Variants in CACNA2D2 observed in about 807,000 individuals in gnomAD.
CACNA2D2 encodes calcium voltage-gated channel auxiliary subunit alpha2delta 2, also known as voltage-dependent calcium channel subunit alpha-2/delta-2.
In CACNA2D2, 48 loss-of-function variants were observed where a neutral mutation model predicts 166.4. The ratio of observed to expected loss-of-function variants is 0.29; its 90% confidence interval spans 0.23 to 0.37. The LOEUF is 0.37. CACNA2D2 is among the 10% of genes least tolerant of loss of function. CACNA2D2 has a pLI of 1.00. For missense variants in CACNA2D2, 1,122 were observed against 1,433.0 expected, an observed-to-expected ratio of 0.78 and a Z score of 3.50; for synonymous variants, 561 against 573.7, an observed-to-expected ratio of 0.98 and a Z score of 0.32.
chr3:50,499,912 G>A (rs1698887147), intron 1 of CACNA2D2, among the ~76,000 whole-genome samples: 2 of 152,094 alleles, frequency 1.3e-5, no homozygotes, highest in Non-Finnish European at 2.9e-5. Context: ...TCCACACCAG[G>A]AGGGCTGTGA....
At chr3:50,493,706 G>A (rs1698608484) in intron 1 of CACNA2D2, among the ~76,000 whole-genome samples, 1 of 152,236 alleles carries the variant, frequency 6.6e-6, no homozygotes, top group Non-Finnish European at 1.5e-5. Context: ...CAGATCTTGA[G>A]GGGGTCGCAG....
intron 1 of CACNA2D2, among the ~76,000 whole-genome samples, chr3:50,482,611 T>A (rs538827967): frequency 6.6e-6 from 1 of 152,294 alleles, no homozygotes; most frequent in African/African-American, 2.4e-5. Context: ...ATCCAGAAGG[T>A]GGGACTGCTC....
intron 3 of CACNA2D2, among the ~76,000 whole-genome samples, chr3:50,429,592 CAAAAAAAAAAAAAAA>C (rs1160685582): frequency 2.3e-4 from 12 of 52,646 alleles, no homozygotes; most frequent in Non-Finnish European, 4.2e-4. Flanking sequence ...ACTAAAAATA[CAAAAAAAAAAAAAAA>C]AAAAAAAAAA....
chr3:50,461,758 AAAAAAG>A (rs1249147087), intron 2 of CACNA2D2, among the ~76,000 whole-genome samples: 2,601 of 117,312 alleles, frequency 0.022, 29 homozygotes, highest in Non-Finnish European at 0.034. Context: ...AAAAAAAAAA[AAAAAAG>A]AAAAAAAGAA....
Position 50,476,099 on chromosome 3 carries a change from C to G in CACNA2D2, c.288+19G>C, listed in dbSNP as rs764339631. ...TGGAAGAGGGTCCCTGAAGAGACAG[C>G]AAGTGGCACCGGGCTCACCTCACGG... On this transcript the variant is annotated intron_variant, in intron 2 of 37. Coordinates refer to ENST00000424201, the MANE Select transcript of CACNA2D2 (RefSeq NM_006030.4). The G allele has an allele frequency of 8.9e-6, 14 of 1,576,604 alleles. No individual in the cohort carries two copies. Among genetic ancestry groups the G allele is most frequent in the Middle Eastern group, 1.7e-4 (1 of 6,018 alleles).
In CACNA2D2 at chr3:50,373,314, G is replaced by A. The variant is rs1207254276; in HGVS notation, c.1984+1423C>T. ...ACTCAAAGGAGATGAGCCCCCAGTCGGCCAGGCAGGTGGGGGGCGCCCGGT... is the reference window on the plus strand; with the variant it reads ...ACTCAAAGGAGATGAGCCCCCAGTCAGCCAGGCAGGTGGGGGGCGCCCGGT... On this transcript the variant is annotated intron_variant, in intron 22 of 37. Coordinates refer to ENST00000424201, the MANE Select transcript of CACNA2D2 (RefSeq NM_006030.4). Among the ~76,000 whole-genome samples the A allele has an allele frequency of 2.0e-5, 3 of 150,994 alleles. No homozygotes were observed. In the East Asian group the frequency reaches 6.0e-4, roughly 30 times the overall value.
chr3:50,478,205 G>C (rs1697883464), intron 1 of CACNA2D2, among the ~76,000 whole-genome samples: 1 of 152,246 alleles, frequency 6.6e-6, no homozygotes, highest in Non-Finnish European at 1.5e-5. Flanking sequence ...GCTAAGAAGG[G>C]CAAGCAGGCC....
chr3:50,389,213 C>T (rs776587349), intron 4 of CACNA2D2, among the ~76,000 whole-genome samples: 2 of 152,174 alleles, frequency 1.3e-5, no homozygotes, highest in African/African-American at 4.8e-5. Flanking sequence ...TCCCTGCGCC[C>T]GGCTCCGACC....
intron 24 of CACNA2D2, 21 bp downstream of exon 24, chr3:50,368,117 G>A: frequency 7.7e-6 from 12 of 1,559,078 alleles, no homozygotes; most frequent in Non-Finnish European, 9.7e-6. Flanking sequence ...CCCAGAGCCA[G>A]CTGCCCTGCC....
chr3:50,384,508 A>G (rs1233531428), intron 5 of CACNA2D2, among the ~76,000 whole-genome samples, 171 bp from the exon 6 acceptor site: 1 of 152,182 alleles, frequency 6.6e-6, no homozygotes, highest in East Asian at 1.9e-4. Flanking sequence ...ACAGATGGAC[A>G]CGGGGTTGGA....
rs754922594 is a variant in CACNA2D2 at position 50,366,331 on chromosome 3, A to T, written c.2645T>A (p.Leu882His). 6.8e-6 allele frequency: 11 copies of T among 1,614,016 alleles called. No homozygotes were observed. The part of the protein sequence containing the change: ...MDCEVNNEDL[L>H]CVLIDDGGFL... ...TCCTCCATCATCAATGAGGACACAG[A>T]GTAAGTCCTAGGAGGAAGGGAATGG... Residue 882 changes from leucine (L) to histidine (H), a missense_variant, in exon 31 of 38, where the codon CTC (leucine) becomes CAC (histidine). Coordinates refer to ENST00000424201, the MANE Select transcript of CACNA2D2 (RefSeq NM_006030.4). This position sits in a 1 kb window ranked among gnomAD's most constrained non-coding sequence, Gnocchi z 5.9.
At chr3:50,403,248 T>C (rs1226461651) in intron 3 of CACNA2D2, among the ~76,000 whole-genome samples, 1 of 152,046 alleles carries the variant, frequency 6.6e-6, no homozygotes, top group East Asian at 1.9e-4. Flanking sequence ...GGATGGGGAC[T>C]CACTTTGGAA....
At chr3:50,387,737 C>T in intron 4 of CACNA2D2, 125 bp from the exon 5 acceptor site, 1 of 726,656 alleles carries the variant, frequency 1.4e-6, no homozygotes, top group Non-Finnish European at 2.3e-6. Context: ...CTTTCCCCCA[C>T]CCAGAGCCCC....
rs1710294134 is a variant in CACNA2D2 at position 50,476,035 on chromosome 3, C to A, written c.288+83G>T. The A allele has an allele frequency of 1.2e-5, 15 of 1,264,088 alleles. No individual in the cohort carries two copies. In the South Asian group the frequency reaches 1.8e-4, roughly 15 times the overall value. 78.3% of individuals were successfully genotyped at this position (1,264,088 alleles called of 1,614,324 possible). ...CACCAGGACCTCCATTAAACCAAATCTTCCTCACTCCTTATTTCTGAAGCT... is the reference window on the plus strand; with the variant it reads ...CACCAGGACCTCCATTAAACCAAATATTCCTCACTCCTTATTTCTGAAGCT... On this transcript the variant is annotated intron_variant, in intron 2 of 37. Transcript: ENST00000424201.
At position 50,375,870 on chromosome 3, in the gene CACNA2D2, C is replaced by T. The variant is rs750915057; in HGVS notation, c.1784G>A (p.Ser595Asn). Residue 595 changes from serine to asparagine, a missense_variant, in exon 20 of 38, where the codon AGC becomes AAC. Around this residue, in one of 2 missense-constraint regions of CACNA2D2, gnomAD observed 840 missense variants for 1,166.8 expected, o/e 0.72. Coordinates refer to ENST00000424201, the MANE Select transcript of CACNA2D2 (RefSeq NM_006030.4). The surrounding 1 kb of genome is among the most constrained non-coding windows in gnomAD (Gnocchi z 4.0). ...EDENKEEIRR[S>N]MIDGNKGHKQ... ...GTGGCCCTTGTTGCCATCAATCATG[C>T]TCCGACGGATCTGGAAGGGCCAGAG... is the stretch of plus-strand genomic sequence containing the variant. The T allele has an allele frequency of 6.2e-6, 10 of 1,612,900 alleles. No individual in the cohort carries two copies. In the South Asian group the frequency reaches 1.1e-4, roughly 18 times the overall value.
At chr3:50,391,686 T>C in intron 4 of CACNA2D2, among the ~76,000 whole-genome samples, 1 of 152,220 alleles carries the variant, frequency 6.6e-6, no homozygotes, top group East Asian at 1.9e-4. Context: ...AGTGGAGTTG[T>C]GGGCATGTGG....
chr3:50,457,872 G>A (rs1050025359), intron 2 of CACNA2D2, among the ~76,000 whole-genome samples: 3 of 152,194 alleles, frequency 2.0e-5, no homozygotes, highest in Non-Finnish European at 4.4e-5. Context: ...GATGGGGACT[G>A]AGGAGGGCAG....
At position 50,363,268 on chromosome 3, in the gene CACNA2D2, ACACT is replaced by A. The variant is rs946746907; in HGVS notation, c.*1394_*1397del. On this transcript the variant is annotated 3_prime_UTR_variant, in exon 38 of 38. Coordinates refer to ENST00000424201, the MANE Select transcript of CACNA2D2 (RefSeq NM_006030.4). The stretch of plus-strand genomic sequence containing the variant: ...AGCAGTGGGCATGGACCACACACAC[ACACT>A]GAGAAAGCGACAAGCAACATGACAT... The A allele has an allele frequency of 4.0e-5, 16 of 398,728 alleles. No individual in the cohort carries two copies. Among genetic ancestry groups the A allele is most frequent in the Non-Finnish European group, 5.8e-5 (13 of 226,072 alleles). The allele number at this position is 398,728 out of a possible 1,614,324, so 24.7% of individuals were successfully genotyped here. A position where few individuals can be genotyped will look rare whatever the true frequency, so the allele number is the denominator to read the frequency against.
In CACNA2D2 at chr3:50,379,356, G is replaced by A. The variant is rs587717045; in HGVS notation, c.1152+76C>T. 14 of 1,562,066 alleles carry A rather than the reference G, an allele frequency of 9.0e-6. No individual in the cohort carries two copies. The highest frequency in any genetic ancestry group is 4.6e-5 in the East Asian group (2 of 43,908). On this transcript the variant is annotated intron_variant, in intron 11 of 37. Coordinates refer to ENST00000424201, the MANE Select transcript of CACNA2D2 (RefSeq NM_006030.4). The surrounding 1 kb of genome is among the most constrained non-coding windows in gnomAD (Gnocchi z 6.5). ...CTGTTTGGTGCTAACGAGGCCATCC[G>A]TCTTGATTTCCTGGGTACACCAAGC...
Sources: allele counts gnomAD v4.1 joint callset (sites outside exome capture counted in the v4.1 genomes callset), GRCh38; gene constraint gnomAD v4.1.1; regional missense constraint gnomAD v4.1.1; non-coding constraint Gnocchi (gnomAD v3.1); transcripts MANE v1.5; gene names NCBI Gene and HGNC (gene_info 2026-07-23, HGNC 2026-07-21).